The following LATS1 variants were observed in gnomAD, a reference collection of about 807,000 sequenced individuals.
LATS1 encodes the protein large tumor suppressor kinase 1, also known as serine/threonine-protein kinase LATS1.
LATS1 carries 25 observed loss-of-function variants against 106.6 expected under a neutral mutation model. That is an observed-to-expected ratio of 0.23 (90% CI 0.17 to 0.33). The LOEUF (loss-of-function observed/expected upper bound fraction) is 0.33. LATS1 is among the 10% of genes least tolerant of loss of function. The pLI is 1.00. For synonymous variants in LATS1, 465 were observed against 455.6 expected (o/e 1.02, Z -0.26); for missense variants, 1,040 against 1,382.6 (o/e 0.75, Z 3.93).
At chr6:149,665,561 G>A (rs1781094780) in intron 7 of LATS1, among the ~76,000 whole-genome samples, 3 of 152,094 alleles carry the variant, frequency 2.0e-5, no homozygotes, top group Non-Finnish European at 4.4e-5. Context: ...AAAGTACTGG[G>A]GACATCACAG....
intron 4 of LATS1, among the ~76,000 whole-genome samples, chr6:149,681,576 T>C (rs926690478): frequency 3.3e-5 from 5 of 152,114 alleles, no homozygotes; most frequent in African/African-American, 1.2e-4. Context: ...AAAATACACA[T>C]AGGCAGACTT....
intron 2 of LATS1, among the ~76,000 whole-genome samples, chr6:149,701,538 C>T (rs1783462614): frequency 6.6e-6 from 1 of 152,066 alleles, no homozygotes; most frequent in South Asian, 2.1e-4. Context: ...CATGATCTGG[C>T]CTTTTAAATT....
At chr6:149,716,587 C>A (rs1420930647) in intron 1 of LATS1, among the ~76,000 whole-genome samples, 1 of 151,884 alleles carries the variant, frequency 6.6e-6, no homozygotes, top group Non-Finnish European at 1.5e-5. Flanking sequence ...AAAAACAAAA[C>A]AAAAATAAAA....
intron 1 of LATS1, 132 bp from the exon 2 acceptor site, chr6:149,702,398 G>A (rs1331003233): frequency 1.3e-5 from 4 of 302,292 alleles, no homozygotes; most frequent in South Asian, 1.1e-4. Flanking sequence ...GGATTACTCC[G>A]GGTTCAGGAC....
intron 7 of LATS1, among the ~76,000 whole-genome samples, chr6:149,673,144 T>G (rs1446122824): frequency 7.4e-5 from 11 of 148,512 alleles, no homozygotes; most frequent in Non-Finnish European, 1.5e-5. Flanking sequence ...TTACCCAGGC[T>G]GGAGTGCAGT....
chr6:149,661,833 T>C lies in LATS1; in HGVS notation c.3289A>G (p.Ile1097Val), dbSNP rs781618614. 6 of 1,613,762 alleles carry C rather than the reference T, an allele frequency of 3.7e-6. No individual in the cohort carries two copies. The highest frequency in any genetic ancestry group is 2.7e-5 in the African/African-American group (2 of 74,924). Residue 1097 changes from isoleucine to valine, a missense_variant, in exon 8 of 8, where the codon ATT (isoleucine) becomes GTT (valine). By Grantham distance (29) the Ile-to-Val change is conservative. Transcript: ENST00000543571. ...TGTGAATTAATGTATTCATATTCAATAGGCTTCGGATAATTATATGGGTAG... is the reference window on the plus strand; with the variant it reads ...TGTGAATTAATGTATTCATATTCAACAGGCTTCGGATAATTATATGGGTAG... ...NGYPYNYPKP[I>V]EYEYINSQGS...
At chr6:149,703,647 T>C (rs1229025218) in intron 1 of LATS1, among the ~76,000 whole-genome samples, 1 of 152,120 alleles carries the variant, frequency 6.6e-6, no homozygotes, top group Non-Finnish European at 1.5e-5. Flanking sequence ...GAGGACTGCT[T>C]GAGCTCAGGA....
chr6:149,680,040 C>T lies in LATS1; in HGVS notation c.2428G>A (p.Ala810Thr), dbSNP rs1396310382. Reference sequence around the variant, plus strand: ...CTTTCAACTGCACAGGTAAGTTCTGCTATGTAGAATCGTGCCAGACTTTCT... The same window carrying T: ...CTTTCAACTGCACAGGTAAGTTCTGTTATGTAGAATCGTGCCAGACTTTCT... Reference protein sequence around the residue: ...FPESLARFYIAELTCAVESVH... With the variant: ...FPESLARFYITELTCAVESVH... Residue 810 changes from alanine to threonine, a missense_variant, in exon 5 of 8, where the codon GCA becomes ACA. Physicochemically the swap from Ala to Thr is moderately conservative, Grantham distance 58 (BLOSUM62 0). Coordinates refer to ENST00000543571, the MANE Select transcript of LATS1 (RefSeq NM_004690.4). 1.3e-5 allele frequency: 21 copies of T among 1,613,922 alleles called. No individual in the cohort carries two copies. Among genetic ancestry groups the T allele is most frequent in the Non-Finnish European group, 1.8e-5 (21 of 1,179,988 alleles).
At chr6:149,706,351 G>A (rs539318993) in intron 1 of LATS1, among the ~76,000 whole-genome samples, 4 of 151,712 alleles carry the variant, frequency 2.6e-5, no homozygotes, top group African/African-American at 7.2e-5. Flanking sequence ...CACAAATACT[G>A]CAAAAAATGA....
intron 7 of LATS1, among the ~76,000 whole-genome samples, chr6:149,666,726 A>C (rs978607232): frequency 1.3e-5 from 2 of 151,588 alleles, no homozygotes; most frequent in Non-Finnish European, 2.9e-5. Context: ...GCAGATCACG[A>C]GGTCAGGAGA....
rs765126815 is a variant in LATS1 at position 149,697,070 on chromosome 6, C to G, written c.349-1849G>C. 6.7e-6 allele frequency: 7 copies of G among 1,050,910 alleles called. No homozygotes were observed. The Admixed American group carries it at 1.0e-4, about 15-fold the overall frequency. 65.1% of individuals were successfully genotyped at this position (1,050,910 alleles called of 1,614,324 possible). On this transcript the variant is annotated intron_variant, in intron 2 of 7. Coordinates refer to ENST00000543571, the MANE Select transcript of LATS1 (RefSeq NM_004690.4). ...AGAAAGTATGTTGACATGCATTTTTCAAGAGGGAGGCAACTACTTACTTGT... is the reference window on the plus strand; with the variant it reads ...AGAAAGTATGTTGACATGCATTTTTGAAGAGGGAGGCAACTACTTACTTGT...
At position 149,658,233 on chromosome 6, in the gene LATS1, T is replaced by C. The variant is rs1780770887; in HGVS notation, c.*3496A>G. The C allele has an allele frequency of 6.6e-6, 1 of 152,182 alleles. No individual in the cohort carries two copies. The highest frequency in any genetic ancestry group is 2.4e-5 in the African/African-American group (1 of 41,464). 9.4% of individuals were successfully genotyped at this position (152,182 alleles called of 1,614,324 possible). A position where few individuals can be genotyped will look rare whatever the true frequency, so the allele number is the denominator to read the frequency against. On this transcript the variant is annotated 3_prime_UTR_variant, in exon 8 of 8. Coordinates refer to ENST00000543571, the MANE Select transcript of LATS1 (RefSeq NM_004690.4). ...ATTGGGAAAATACAAATAAGTTCAT[T>C]AAAAACACAGGCTGATTATTCATAT...
At chr6:149,702,289 A>C (rs1783507607) in intron 1 of LATS1, 23 bp from the exon 2 acceptor site, 2 of 564,402 alleles carry the variant, frequency 3.5e-6, no homozygotes, top group Non-Finnish European at 6.2e-6. Context: ...GAAAGAAAGG[A>C]AAGCTATAAA....
Position 149,660,013 on chromosome 6 carries a change from A to G in LATS1, c.*1716T>C, listed in dbSNP as rs1350542375. ...TTATCAGCTTATATAAGATGTGCTG[A>G]GTAGTGATTGGTAAGTTAAAAACAA... is the stretch of plus-strand genomic sequence containing the variant. On this transcript the variant is annotated 3_prime_UTR_variant, in exon 8 of 8. Coordinates refer to ENST00000543571, the MANE Select transcript of LATS1 (RefSeq NM_004690.4). 4.3e-6 allele frequency: 1 copy of G among 232,264 alleles called. No individual in the cohort carries two copies. The highest frequency in any genetic ancestry group is 8.5e-6 in the Non-Finnish European group (1 of 117,558). 14.4% of individuals were successfully genotyped at this position (232,264 alleles called of 1,614,324 possible).
Position 149,661,956 on chromosome 6 carries a change from T to C in LATS1, c.3166A>G (p.Asn1056Asp). The C allele has an allele frequency of 6.2e-7, 1 of 1,614,124 alleles. No individual in the cohort carries two copies. Among genetic ancestry groups the C allele is most frequent in the South Asian group, 1.1e-5 (1 of 91,070 alleles). ...KLWSDDNEEE[N>D]VNDTLNGWYK... ...CATCCATTGAGAGTGTCATTTACAT[T>C]TTCTTCCTCGTTATCATCACTCCAT... is the stretch of plus-strand genomic sequence containing the variant. Residue 1056 changes from asparagine (N) to aspartate (D), a missense_variant, in exon 8 of 8, where the codon AAT (asparagine) becomes GAT (aspartate). Around this residue, in one of 7 missense-constraint regions of LATS1, gnomAD observed 113 missense variants for 146.3 expected, o/e 0.77. Transcript: ENST00000543571.
At chr6:149,710,713 T>G (rs1160687533) in intron 1 of LATS1, among the ~76,000 whole-genome samples, 3 of 152,206 alleles carry the variant, frequency 2.0e-5, no homozygotes, top group African/African-American at 7.2e-5. Context: ...CGCTGTTGCC[T>G]ATAATAACTT....
chr6:149,703,788 TG>T (rs376707357), intron 1 of LATS1, among the ~76,000 whole-genome samples: 49 of 152,220 alleles, frequency 3.2e-4, no homozygotes, highest in African/African-American at 1.2e-3. Flanking sequence ...AGACATAAAG[TG>T]GTTATCAACA....
At chr6:149,676,429 T>G in intron 6 of LATS1, 63 bp from the exon 7 acceptor site, 1 of 1,379,494 alleles carries the variant, frequency 7.2e-7, no homozygotes, top group Non-Finnish European at 1.0e-6. Flanking sequence ...AAAATTAACA[T>G]TAAATCACCA....
At chr6:149,700,812 T>A (rs1023763334) in intron 2 of LATS1, among the ~76,000 whole-genome samples, 1 of 152,186 alleles carries the variant, frequency 6.6e-6, no homozygotes, top group Non-Finnish European at 1.5e-5. Flanking sequence ...AGATGGAGTT[T>A]CCCTCTTGTT....
Sources: gnomAD v4.1 joint callset for allele counts (sites outside exome capture counted in the v4.1 genomes callset) on GRCh38, gnomAD v4.1.1 for gene constraint, gnomAD v4.1.1 regional missense constraint, MANE v1.5 for transcripts, NCBI Gene and HGNC (gene_info 2026-07-23, HGNC 2026-07-21) for gene names.